The following SLC6A11 variants were observed in gnomAD, a reference collection of about 807,000 sequenced individuals.
SLC6A11 encodes sodium- and chloride-dependent GABA transporter 3.
Under a neutral mutation model 74.8 loss-of-function variants are expected in SLC6A11, and 25 were observed. The observed-to-expected ratio is 0.33, with a 90% CI of 0.24 to 0.47. SLC6A11 has a LOEUF of 0.47. SLC6A11 is among the 20% of genes least tolerant of loss of function. The pLI, the probability that SLC6A11 is intolerant of heterozygous loss-of-function variation, is 1.00. For synonymous variants in SLC6A11, 330 were observed against 330.2 expected (o/e 1.00, Z 0.01); for missense variants, 574 against 837.0 (o/e 0.69, Z 3.88).
At chr3:10,930,050 A>G (rs927809156) in intron 10 of SLC6A11, among the ~76,000 whole-genome samples, 7 of 152,258 alleles carry the variant, frequency 4.6e-5, no homozygotes, top group African/African-American at 1.7e-4. Context: ...AGAAACAAGA[A>G]TAGGTTTTGT....
intron 6 of SLC6A11, among the ~76,000 whole-genome samples, chr3:10,878,319 A>G (rs980531317): frequency 6.0e-5 from 9 of 150,784 alleles, no homozygotes; most frequent in South Asian, 2.1e-4. Flanking sequence ...GGGCCTTCAC[A>G]TATGCTGTTT....
intron 5 of SLC6A11, among the ~76,000 whole-genome samples, chr3:10,844,712 G>A (rs1182420236): frequency 1.3e-5 from 2 of 152,190 alleles, no homozygotes; most frequent in Non-Finnish European, 2.9e-5. Context: ...GTGTGTGTGA[G>A]GGCAGGTGAT....
intron 6 of SLC6A11, among the ~76,000 whole-genome samples, chr3:10,897,560 C>T (rs1334759210): frequency 2.6e-5 from 4 of 152,226 alleles, no homozygotes; most frequent in Non-Finnish European, 4.4e-5. Flanking sequence ...AAATGATCTC[C>T]TTTGAATCCA....
chr3:10,903,667 G>A (rs1695268412), intron 6 of SLC6A11, among the ~76,000 whole-genome samples: 1 of 152,164 alleles, frequency 6.6e-6, no homozygotes, highest in African/African-American at 2.4e-5. Context: ...TTGAGTACTG[G>A]AATATCCTGG....
At chr3:10,907,029 A>G (rs1183095336) in intron 6 of SLC6A11, among the ~76,000 whole-genome samples, 1 of 152,174 alleles carries the variant, frequency 6.6e-6, no homozygotes, top group Non-Finnish European at 1.5e-5. Flanking sequence ...GTGATAAGGA[A>G]AATAATTATG....
At chr3:10,852,757 G>A (rs1694592031) in intron 5 of SLC6A11, among the ~76,000 whole-genome samples, 1 of 152,240 alleles carries the variant, frequency 6.6e-6, no homozygotes, top group African/African-American at 2.4e-5. Flanking sequence ...TAATCAAAGT[G>A]GTTTTGCTCT....
chr3:10,832,461 C>G (rs1009513196), intron 4 of SLC6A11, among the ~76,000 whole-genome samples: 2 of 152,194 alleles, frequency 1.3e-5, no homozygotes, highest in Non-Finnish European at 2.9e-5. Context: ...CTTTGTTGCT[C>G]TAATAGGGTG....
intron 5 of SLC6A11, among the ~76,000 whole-genome samples, chr3:10,864,691 T>C (rs193080380): frequency 1.1e-4 from 16 of 152,274 alleles, no homozygotes; most frequent in Admixed American, 8.5e-4. Context: ...CCCTTCCTTC[T>C]AGGCACTGTC....
intron 6 of SLC6A11, among the ~76,000 whole-genome samples, chr3:10,910,444 CA>C (rs1162934244): frequency 6.6e-6 from 1 of 152,116 alleles, no homozygotes; most frequent in Admixed American, 6.5e-5. Context: ...ACGAGGAAAA[CA>C]GGAAGAGAGA....
chr3:10,927,008 G>A (rs996993197), intron 9 of SLC6A11, among the ~76,000 whole-genome samples: 2 of 152,138 alleles, frequency 1.3e-5, no homozygotes, highest in Non-Finnish European at 2.9e-5. Flanking sequence ...CAGACCCCCA[G>A]GGAGACACAC....
At chr3:10,823,219 G>A in intron 3 of SLC6A11, 83 bp from the exon 4 acceptor site, 2 of 978,310 alleles carry the variant, frequency 2.0e-6, no homozygotes, top group Admixed American at 1.8e-5. Flanking sequence ...ATGCCTAGTT[G>A]CGCATCAGCT....
chr3:10,868,485 A>G (rs375958850), intron 5 of SLC6A11, among the ~76,000 whole-genome samples: 3 of 152,376 alleles, frequency 2.0e-5, no homozygotes, highest in African/African-American at 7.2e-5. Flanking sequence ...ATTACCACCA[A>G]TTGTGCTAAC....
At chr3:10,836,637 G>A (rs1314350591) in intron 4 of SLC6A11, among the ~76,000 whole-genome samples, 1 of 152,192 alleles carries the variant, frequency 6.6e-6, no homozygotes, top group Non-Finnish European at 1.5e-5. Flanking sequence ...GTTAGATAAA[G>A]CTGTACAAAT....
At chr3:10,859,914 G>A (rs545096355) in intron 5 of SLC6A11, among the ~76,000 whole-genome samples, 3 of 152,284 alleles carry the variant, frequency 2.0e-5, no homozygotes, top group African/African-American at 7.2e-5. Context: ...AGACTCTACT[G>A]TTGCTTTGAA....
intron 5 of SLC6A11, among the ~76,000 whole-genome samples, chr3:10,850,534 T>C (rs561838555): frequency 1.3e-5 from 2 of 149,412 alleles, no homozygotes; most frequent in South Asian, 4.3e-4. Context: ...AGGGAAGCAT[T>C]GAGGGCAGGT....
intron 6 of SLC6A11, among the ~76,000 whole-genome samples, chr3:10,893,033 T>C (rs1353080098): frequency 2.0e-5 from 3 of 152,194 alleles, no homozygotes; most frequent in Non-Finnish European, 4.4e-5. Flanking sequence ...GCCTAGCACA[T>C]AGTAGGTGCT....
intron 6 of SLC6A11, among the ~76,000 whole-genome samples, chr3:10,877,555 G>A (rs1694924802): frequency 6.6e-6 from 1 of 152,164 alleles, no homozygotes; most frequent in Admixed American, 6.5e-5. Flanking sequence ...GGTACTTCCT[G>A]CCTCCATGAT....
Position 10,938,155 on chromosome 3 carries a change from C to T in SLC6A11, c.1747-95C>T, listed in dbSNP as rs538593580. On this transcript the variant is annotated intron_variant, in intron 13 of 13. Coordinates refer to ENST00000254488, the MANE Select transcript of SLC6A11 (RefSeq NM_014229.3). ...ACCTTGGTCTGAGAATTCTCCAGCA[C>T]CCAGATGTCCGCCGTGTGCTTGGGA... The T allele has an allele frequency of 4.8e-4, 599 of 1,242,868 alleles. 4 individuals carry two copies. In the African/African-American group the frequency reaches 8.2e-3, roughly 17 times the overall value. 77.0% of individuals were successfully genotyped at this position (1,242,868 alleles called of 1,614,324 possible).
At chr3:10,844,460 C>G in intron 5 of SLC6A11, 114 bp downstream of exon 5, 1 of 1,284,064 alleles carries the variant, frequency 7.8e-7, no homozygotes, top group East Asian at 2.4e-5. Flanking sequence ...AAGTTGGGAG[C>G]GGGGAGGAAC....
Sources: allele counts gnomAD v4.1 joint callset (sites outside exome capture counted in the v4.1 genomes callset), GRCh38; gene constraint gnomAD v4.1.1; transcripts MANE v1.5; gene names NCBI Gene and HGNC (gene_info 2026-07-23, HGNC 2026-07-21).